PTPRM: variants seen among roughly 807,000 people sequenced by gnomAD.
PTPRM encodes the protein receptor-type tyrosine-protein phosphatase mu.
A neutral mutation model predicts 186.7 loss-of-function variants in PTPRM; 47 were observed. The observed-to-expected ratio is 0.25, with a 90% CI of 0.20 to 0.32. The LOEUF is 0.32. Ranked by LOEUF, PTPRM falls within the 10% of genes least tolerant of loss-of-function variation. PTPRM has a pLI of 1.00. For synonymous variants in PTPRM, 668 were observed against 674.9 expected (o/e 0.99, Z 0.16); for missense variants, 1,494 against 1,865.0 (o/e 0.80, Z 3.66).
chr18:7,808,361 G>A (rs561000452), intron 2 of PTPRM, among the ~76,000 whole-genome samples: 3 of 152,256 alleles, frequency 2.0e-5, no homozygotes, highest in East Asian at 1.9e-4. Flanking sequence ...ATGTAGAGGC[G>A]AGTTAGATTT....
intron 17 of PTPRM, among the ~76,000 whole-genome samples, chr18:8,250,687 G>A (rs1008623644): frequency 6.6e-6 from 1 of 151,738 alleles, no homozygotes; most frequent in Non-Finnish European, 1.5e-5. Context: ...TACTCAAGAG[G>A]CTGAGGCAGG....
At chr18:7,773,570 G>GTTTTTTTTTT (rs10708698) in intron 1 of PTPRM, among the ~76,000 whole-genome samples, 40 of 129,048 alleles carry the variant, frequency 3.1e-4, no homozygotes, top group Non-Finnish European at 4.9e-4. Flanking sequence ...TCTTTTCTTT[G>GTTTTTTTTTT]TTTTTTTTTT....
At chr18:7,779,535 A>G (rs774285319) in intron 2 of PTPRM, among the ~76,000 whole-genome samples, 1 of 152,218 alleles carries the variant, frequency 6.6e-6, no homozygotes, top group Non-Finnish European at 1.5e-5. Context: ...GGGAAGGAAG[A>G]TGGATTGACA....
rs145856267 is a variant in PTPRM, at chr18:7,870,036, G to A, written c.197-18070G>A. On this transcript the variant is annotated intron_variant, in intron 2 of 32. Coordinates refer to ENST00000580170, the MANE Select transcript of PTPRM (RefSeq NM_001105244.2). ...TGAAGTTGAAATTGCACAGTGGCAT[G>A]GTGGACTTTGTCTTCAGGAGATGAA... Among the ~76,000 whole-genome samples the A allele has an allele frequency of 1.4e-3, 217 of 152,310 alleles. 1 individual carries two copies. Among genetic ancestry groups the A allele is most frequent in the Non-Finnish European group, 3.2e-4 (22 of 68,022 alleles).
At chr18:8,125,081 G>T (rs560051209) in intron 13 of PTPRM, among the ~76,000 whole-genome samples, 1 of 152,038 alleles carries the variant, frequency 6.6e-6, no homozygotes, top group South Asian at 2.1e-4. Context: ...ACCTAGGACT[G>T]TGCCAGGCAT....
intron 1 of PTPRM, among the ~76,000 whole-genome samples, chr18:7,623,746 A>G (rs745869593): frequency 6.6e-6 from 1 of 152,110 alleles, no homozygotes. Context: ...CTTATTCACA[A>G]GCTCCTCCCA....
In PTPRM at chr18:8,361,508, A is replaced by G. The variant is rs570066466; in HGVS notation, c.3055-9382A>G. On this transcript the variant is annotated intron_variant, in intron 23 of 32. Coordinates refer to ENST00000580170, the MANE Select transcript of PTPRM (RefSeq NM_001105244.2). ...TGATTGTTATTCTATTCTCCAGATA[A>G]TAAACAAACTTAAAAGACATTAATA... 3.3e-5 allele frequency among the ~76,000 whole-genome samples: 5 copies of G among 152,340 alleles called. No homozygotes were observed. In the East Asian group the frequency reaches 9.6e-4, roughly 29 times the overall value.
At chr18:8,347,977 A>G (rs903115455) in intron 23 of PTPRM, among the ~76,000 whole-genome samples, 15 of 152,224 alleles carry the variant, frequency 9.9e-5, no homozygotes, top group Admixed American at 9.8e-4. Flanking sequence ...ACAAGAGGTC[A>G]TGTTCCCTCA....
intron 19 of PTPRM, among the ~76,000 whole-genome samples, chr18:8,280,221 C>G (rs561106938): frequency 6.6e-6 from 1 of 152,172 alleles, no homozygotes; most frequent in South Asian, 2.1e-4. Flanking sequence ...TGCACGCATG[C>G]CCCAGGGTCT....
chr18:8,015,818 A>C (rs576778338), intron 7 of PTPRM, among the ~76,000 whole-genome samples: 36 of 152,246 alleles, frequency 2.4e-4, no homozygotes, highest in Admixed American at 4.6e-4. Flanking sequence ...TCCCCATCCC[A>C]CACACACAAA....
chr18:8,303,971 A>C (rs1436753448), intron 20 of PTPRM, among the ~76,000 whole-genome samples: 1 of 152,198 alleles, frequency 6.6e-6, no homozygotes, highest in Non-Finnish European at 1.5e-5. Context: ...CAAATCCATT[A>C]TTTGCAGAAA....
intron 32 of PTPRM, 148 bp from the exon 33 acceptor site, chr18:8,405,961 G>A (rs2095903979): frequency 2.6e-6 from 2 of 756,268 alleles, no homozygotes; most frequent in Admixed American, 2.0e-5. Context: ...TGTATCTGGA[G>A]TTCAGAACCG....
At chr18:7,867,296 T>C (rs1405465851) in intron 2 of PTPRM, among the ~76,000 whole-genome samples, 12 of 152,218 alleles carry the variant, frequency 7.9e-5, no homozygotes, top group Admixed American at 7.9e-4. Context: ...ATAGTGTCGA[T>C]GTTCTTTACA....
At position 7,949,233 on chromosome 18, in the gene PTPRM, G is replaced by A. The variant is rs746183491; in HGVS notation, c.716G>A (p.Arg239Gln). The A allele has an allele frequency of 3.7e-6, 6 of 1,611,818 alleles. No homozygotes were observed. The highest frequency in any genetic ancestry group is 2.2e-5 in the South Asian group (2 of 91,030). ...AAGGAAATCAAGGTGACCAGCTCCCGACGCTTCATTGCTTCATTTAATGTT... is the reference window on the plus strand; with the variant it reads ...AAGGAAATCAAGGTGACCAGCTCCCAACGCTTCATTGCTTCATTTAATGTT... The part of the protein sequence containing the change: ...PLKEIKVTSS[R>Q]RFIASFNVVN... The change falls in exon 6 of 33, where the codon CGA (arginine) becomes CAA (glutamine). Residue 239 changes from arginine to glutamine, a missense_variant. Coordinates refer to ENST00000580170, the MANE Select transcript of PTPRM (RefSeq NM_001105244.2).
intron 13 of PTPRM, among the ~76,000 whole-genome samples, chr18:8,127,494 C>T (rs2092400767): frequency 7.0e-6 from 1 of 143,366 alleles, no homozygotes; most frequent in South Asian, 2.3e-4. Context: ...CTAATTTTCA[C>T]ACTGCTTTTT....
chr18:7,645,506 A>G lies in PTPRM; in HGVS notation c.73+77615A>G, dbSNP rs901312787. On this transcript the variant is annotated intron_variant, in intron 1 of 32. Transcript: ENST00000580170. ...TTTTGAGAAGGCTTATAAAAATAAA[A>G]AAAGTCATTTCAGTTGTAGGCTGCT... Among the ~76,000 whole-genome samples, 637 of 152,324 alleles carry G rather than the reference A, an allele frequency of 4.2e-3. 7 individuals are homozygous for G. Among genetic ancestry groups the G allele is most frequent in the Non-Finnish European group, 5.0e-3 (339 of 68,030 alleles).
At chr18:7,939,424 G>A (rs1430104808) in intron 5 of PTPRM, among the ~76,000 whole-genome samples, 2 of 152,128 alleles carry the variant, frequency 1.3e-5, no homozygotes, top group African/African-American at 4.8e-5. Context: ...GACTTAATAT[G>A]TATCTTTTGC....
intron 14 of PTPRM, among the ~76,000 whole-genome samples, chr18:8,171,131 T>G (rs763863956): frequency 1.3e-5 from 2 of 152,186 alleles, no homozygotes; most frequent in Non-Finnish European, 2.9e-5. Context: ...CATGGATAAT[T>G]AAGGCAAAAC....
In PTPRM at chr18:7,568,386, G is replaced by A. The variant is rs1275096055; in HGVS notation, c.73+495G>A. ...CCGGGAACTGGCGGCCGCTCCGGCGGCGGCGATCTCCCGGTGCCCTGCCCT... is the reference window on the plus strand; with the variant it reads ...CCGGGAACTGGCGGCCGCTCCGGCGACGGCGATCTCCCGGTGCCCTGCCCT... On this transcript the variant is annotated intron_variant, in intron 1 of 32. Transcript: ENST00000580170. The surrounding 1 kb of genome is among the most constrained non-coding windows in gnomAD (Gnocchi z 5.1). Among the ~76,000 whole-genome samples the A allele has an allele frequency of 2.0e-5, 3 of 151,818 alleles. No homozygotes were observed. Among genetic ancestry groups the A allele is most frequent in the South Asian group, 4.1e-4 (2 of 4,836 alleles).
Sources: gnomAD v4.1 joint callset for allele counts (sites outside exome capture counted in the v4.1 genomes callset) on GRCh38, gnomAD v4.1.1 for gene constraint, Gnocchi (gnomAD v3.1) non-coding constraint, MANE v1.5 for transcripts, NCBI Gene and HGNC (gene_info 2026-07-23, HGNC 2026-07-21) for gene names.